Variants in EPB41 observed in about 807,000 individuals in gnomAD.
EPB41 encodes the protein erythrocyte membrane protein band 4.1.
Under a neutral mutation model 108.0 loss-of-function variants are expected in EPB41, and 65 were observed. The ratio of observed to expected loss-of-function variants is 0.60; its 90% confidence interval spans 0.49 to 0.74. EPB41 has a LOEUF of 0.74. EPB41 is among the 30% of genes least tolerant of loss of function. The pLI is 0.00. For synonymous variants in EPB41, 336 were observed against 358.9 expected (o/e 0.94, Z 0.72); for missense variants, 875 against 1,037.0 (o/e 0.84, Z 2.15).
chr1:28,920,048 C>A (rs1330984929), intron 1 of EPB41, among the ~76,000 whole-genome samples: 1 of 151,918 alleles, frequency 6.6e-6, no homozygotes, highest in East Asian at 1.9e-4. Context: ...TGTTTCTAAG[C>A]TATGTGGAAT....
intron 1 of EPB41, among the ~76,000 whole-genome samples, chr1:28,974,833 C>T (rs776959319): frequency 1.1e-4 from 16 of 148,882 alleles, no homozygotes; most frequent in Admixed American, 4.0e-4. Flanking sequence ...CTTGCTCTGT[C>T]GCCCAGGCTG....
Position 28,935,468 on chromosome 1 carries a change from C to CACACACACACACACACACACACACACACA in EPB41, c.-8+20700_-8+20701insACACACACACACACACACACACACACACA, listed in dbSNP as rs1491193201. On this transcript the variant is annotated intron_variant, in intron 1 of 20. Transcript: ENST00000343067. ...ACACACACACACACACACACACACA[C>CACACACACACACACACACACACACACACA]CCCCCCCCCCCCAAGATCTACGCAC... 7.6e-3 allele frequency among the ~76,000 whole-genome samples: 319 copies of CACACACACACACACACACACACACACACA among 42,042 alleles called. 23 individuals are homozygous for CACACACACACACACACACACACACACACA. Among genetic ancestry groups the CACACACACACACACACACACACACACACA allele is most frequent in the South Asian group, 0.02 (15 of 734 alleles). 27.6% of individuals were successfully genotyped at this position (42,042 alleles called of 152,430 possible). A position where few individuals can be genotyped will look rare whatever the true frequency, so the allele number is the denominator to read the frequency against.
At chr1:29,022,944 G>T (rs1397047736) in intron 7 of EPB41, among the ~76,000 whole-genome samples, 2 of 151,944 alleles carry the variant, frequency 1.3e-5, no homozygotes, top group African/African-American at 4.8e-5. Context: ...AGAAAATATT[G>T]GTATTTTTCA....
Position 29,117,702 on chromosome 1 carries a change from G to A in EPB41, c.*890G>A, listed in dbSNP as rs1189718477. On this transcript the variant is annotated 3_prime_UTR_variant, in exon 21 of 21. Transcript: ENST00000343067. ...TTTAGTGGTGATTTGGGGAAGGAAA[G>A]TTAATGAGGTTTTTAAAATAAGGTT... The A allele has an allele frequency of 6.6e-6, 1 of 152,638 alleles. No individual in the cohort carries two copies. The highest frequency in any genetic ancestry group is 2.4e-5 in the African/African-American group (1 of 41,456). 9.5% of individuals were successfully genotyped at this position (152,638 alleles called of 1,614,324 possible).
chr1:29,004,070 A>G (rs2096355500), intron 4 of EPB41, among the ~76,000 whole-genome samples: 1 of 152,200 alleles, frequency 6.6e-6, no homozygotes, highest in Admixed American at 6.5e-5. Flanking sequence ...CCCAGAAGCA[A>G]ACTTCTATAG....
At chr1:29,059,788 C>A (rs1297043123) in intron 14 of EPB41, among the ~76,000 whole-genome samples, 1 of 152,020 alleles carries the variant, frequency 6.6e-6, no homozygotes, top group Non-Finnish European at 1.5e-5. Context: ...CAAAAAAACA[C>A]CCACTGTAGC....
chr1:29,046,132 A>AT (rs541581325), intron 11 of EPB41, among the ~76,000 whole-genome samples: 24 of 149,410 alleles, frequency 1.6e-4, no homozygotes, highest in South Asian at 4.2e-4. Context: ...ATTTAATTTT[A>AT]TTTTTTTTTT....
At chr1:29,044,162 G>T (rs1275083599) in intron 11 of EPB41, among the ~76,000 whole-genome samples, 1 of 152,198 alleles carries the variant, frequency 6.6e-6, no homozygotes, top group African/African-American at 2.4e-5. Context: ...TACCTTATGT[G>T]TGGGGAATTA....
Position 28,887,901 on chromosome 1 carries a change from T to C in EPB41, c.-8+691T>C, listed in dbSNP as rs1479018368. ...GGTTCCCTCTCATCTCTGGGTTCCCTGTATCTCTCATCTGTCGTCTCTGTT... is the reference window on the plus strand; with the variant it reads ...GGTTCCCTCTCATCTCTGGGTTCCCCGTATCTCTCATCTGTCGTCTCTGTT... On this transcript the variant is annotated intron_variant, in intron 1 of 16. Transcript: ENST00000347529. This position sits in a 1 kb window ranked among gnomAD's most constrained non-coding sequence, Gnocchi z 4.9. 6.6e-6 allele frequency among the ~76,000 whole-genome samples: 1 copy of C among 152,240 alleles called. No individual in the cohort carries two copies. The highest frequency in any genetic ancestry group is 1.5e-5 in the Non-Finnish European group (1 of 68,028).
intron 11 of EPB41, among the ~76,000 whole-genome samples, chr1:29,045,954 C>T (rs2150569184): frequency 6.6e-6 from 1 of 151,654 alleles, no homozygotes; most frequent in South Asian, 2.1e-4. Context: ...GCAGCCTGGG[C>T]AACAGAGTGA....
At chr1:28,921,960 A>ATATATATATATATATATT (rs2093116851) in intron 1 of EPB41, among the ~76,000 whole-genome samples, 1 of 113,994 alleles carries the variant, frequency 8.8e-6, no homozygotes, top group Non-Finnish European at 1.7e-5. Flanking sequence ...ATATATATAT[A>ATATATATATATATATATT]TACACTTTTT....
chr1:29,011,740 A>C, intron 4 of EPB41, 125 bp from the exon 5 acceptor site: 4 of 1,035,342 alleles, frequency 3.9e-6, no homozygotes, highest in Non-Finnish European at 5.8e-6. Flanking sequence ...TAATGCAAAG[A>C]CTATCAAAGG....
At chr1:28,960,055 C>T (rs923620749) in intron 1 of EPB41, among the ~76,000 whole-genome samples, 3 of 149,574 alleles carry the variant, frequency 2.0e-5, no homozygotes, top group East Asian at 2.0e-4. Flanking sequence ...GCTGGAGTGC[C>T]GTGACTCAAT....
chr1:29,012,032 A>T, intron 5 of EPB41, 125 bp downstream of exon 5: 1 of 987,384 alleles, frequency 1.0e-6, no homozygotes. Flanking sequence ...TTTGAAATCG[A>T]GATAAAGCCT....
upstream of EPB41, among the ~76,000 whole-genome samples, chr1:28,913,436 C>CAAAT (rs550979359): frequency 9.3e-3 from 1,416 of 151,978 alleles, 27 homozygotes; most frequent in African/African-American, 0.029. Flanking sequence ...GACTCCGTCT[C>CAAAT]AAATAAATAA....
chr1:28,967,677 C>G (rs917226412), intron 1 of EPB41, among the ~76,000 whole-genome samples: 1 of 152,142 alleles, frequency 6.6e-6, no homozygotes, highest in Non-Finnish European at 1.5e-5. Context: ...ATGATCACAG[C>G]TGACTGCAAC....
chr1:29,069,334 T>C (rs1364831748), intron 16 of EPB41: 1 of 1,231,266 alleles, frequency 8.1e-7, no homozygotes, highest in African/African-American at 1.6e-5. Flanking sequence ...AGTACAGAAA[T>C]TGCAGGGGGA....
At chr1:28,931,223 C>T (rs2093722824) in intron 1 of EPB41, among the ~76,000 whole-genome samples, 1 of 151,628 alleles carries the variant, frequency 6.6e-6, no homozygotes, top group African/African-American at 2.4e-5. Context: ...ACATATGATA[C>T]CACACCTCTA....
At chr1:29,088,749 T>C (rs187941730) in intron 16 of EPB41, among the ~76,000 whole-genome samples, 22 of 151,840 alleles carry the variant, frequency 1.4e-4, no homozygotes, top group Non-Finnish European at 7.4e-5. Context: ...TTAAGAGGAG[T>C]TTGGGCGCTG....
Sources: gnomAD v4.1 joint callset for allele counts (sites outside exome capture counted in the v4.1 genomes callset) on GRCh38, gnomAD v4.1.1 for gene constraint, Gnocchi (gnomAD v3.1) non-coding constraint, MANE v1.5 for transcripts, NCBI Gene and HGNC (gene_info 2026-07-23, HGNC 2026-07-21) for gene names.